The following FNBP4 variants were observed in gnomAD, a reference collection of about 807,000 sequenced individuals.
FNBP4 encodes formin binding protein 4.
FNBP4 carries 34 observed loss-of-function variants against 119.3 expected under a neutral mutation model. The ratio of observed to expected loss-of-function variants is 0.28; its 90% CI spans 0.22 to 0.38. FNBP4 has a LOEUF of 0.38. Ranked by LOEUF, FNBP4 falls within the 10% of genes least tolerant of loss-of-function variation. The probability of loss-of-function intolerance (pLI) is 1.00; values close to 1 mark genes in which losing one functional copy is unlikely to be tolerated. For synonymous variants in FNBP4, 462 were observed against 430.6 expected, an observed-to-expected ratio of 1.07 and a Z score of -0.90; for missense variants, 1,112 against 1,228.9, an observed-to-expected ratio of 0.90 and a Z score of 1.42.
rs1599212156 is a variant in FNBP4 at position 47,743,194 on chromosome 11, G to C, written c.1456+759C>G. ...ATCTTACTGCTGACTTTCCACTACA[G>C]AATTAGGGCCACAGCTGAAAGCGGT... On this transcript the variant is annotated intron_variant, in intron 8 of 16. Transcript: ENST00000263773. Among the ~76,000 whole-genome samples, 3 of 151,940 alleles carry C rather than the reference G, an allele frequency of 2.0e-5. No individual in the cohort carries two copies. In the East Asian group the frequency reaches 5.8e-4, roughly 29 times the overall value.
At chr11:47,756,096 A>C (rs1436380362) in intron 2 of FNBP4, among the ~76,000 whole-genome samples, 1 of 152,176 alleles carries the variant, frequency 6.6e-6, no homozygotes, top group Non-Finnish European at 1.5e-5. Flanking sequence ...ACAGGAATTA[A>C]AAATGGGGCT....
Position 47,734,015 on chromosome 11 carries a change from A to T in FNBP4, c.1686+10T>A. The T allele has an allele frequency of 6.9e-7, 1 of 1,441,584 alleles. No individual in the cohort carries two copies. The highest frequency in any genetic ancestry group is 1.4e-5 in the South Asian group (1 of 73,590). 89.3% of individuals were successfully genotyped at this position (1,441,584 alleles called of 1,614,324 possible). On this transcript the variant is annotated intron_variant, in intron 10 of 16. Coordinates refer to ENST00000263773, the MANE Select transcript of FNBP4 (RefSeq NM_015308.5). ...CTGTTTATGCCAAAAAAAAAAAAAA[A>T]AAGACTTACCTCAGTCTGTAAGAGC... is the stretch of plus-strand genomic sequence containing the variant.
At chr11:47,753,449 A>G (rs1487587620) in intron 3 of FNBP4, among the ~76,000 whole-genome samples, 2 of 152,116 alleles carry the variant, frequency 1.3e-5, no homozygotes, top group Non-Finnish European at 2.9e-5. Flanking sequence ...TGTCTCTACT[A>G]AAAATACAAA....
Position 47,722,349 on chromosome 11 carries a change from A to G in FNBP4, c.2805+627T>C, listed in dbSNP as rs147522156. ...CTGCAACCTCAGCCTCCCAGGTTCAAGCGACTCTCCCGCCTCAGCCTCTTT... is the reference window on the plus strand; with the variant it reads ...CTGCAACCTCAGCCTCCCAGGTTCAGGCGACTCTCCCGCCTCAGCCTCTTT... On this transcript the variant is annotated intron_variant, in intron 15 of 16. Coordinates refer to ENST00000263773, the MANE Select transcript of FNBP4 (RefSeq NM_015308.5). 7.2e-3 allele frequency among the ~76,000 whole-genome samples: 1,085 copies of G among 151,664 alleles called. 12 individuals are homozygous for G. The highest frequency in any genetic ancestry group is 0.025 in the African/African-American group (1,043 of 41,284).
intron 12 of FNBP4, chr11:47,726,910 G>A (rs975983862): frequency 5.3e-5 from 8 of 152,198 alleles, no homozygotes; most frequent in African/African-American, 1.4e-4. Flanking sequence ...CTAGTCAAGT[G>A]AAGCAGCAGG....
chr11:47,744,557 C>T (rs904784804), intron 7 of FNBP4, among the ~76,000 whole-genome samples: 2 of 152,100 alleles, frequency 1.3e-5, no homozygotes, highest in East Asian at 1.9e-4. Flanking sequence ...CCACTGCACT[C>T]GGCCTACTCA....
In FNBP4 at chr11:47,717,406, T is replaced by C. The variant is rs770968273; in HGVS notation, c.*16A>G. 6.9e-6 allele frequency: 11 copies of C among 1,587,386 alleles called. No individual in the cohort carries two copies. The highest frequency in any genetic ancestry group is 9.5e-6 in the Non-Finnish European group (11 of 1,162,138). Reference sequence around the variant, plus strand: ...AAAACAAACAATAATACAAAAAAGTTTTAAAAACTTAAAAACTATGTGTTT... The same window carrying C: ...AAAACAAACAATAATACAAAAAAGTCTTAAAAACTTAAAAACTATGTGTTT... On this transcript the variant is annotated 3_prime_UTR_variant, in exon 17 of 17. Transcript: ENST00000263773.
intron 3 of FNBP4, 112 bp downstream of exon 3, chr11:47,754,416 G>A: frequency 1.0e-5 from 10 of 1,003,906 alleles, no homozygotes; most frequent in Non-Finnish European, 1.5e-5. Flanking sequence ...GTGTTGGAGG[G>A]AGAGGGAGAA....
chr11:47,753,277 C>T (rs1275164939), intron 3 of FNBP4, among the ~76,000 whole-genome samples, 175 bp from the exon 4 acceptor site: 1 of 152,084 alleles, frequency 6.6e-6, no homozygotes, highest in Non-Finnish European at 1.5e-5. Flanking sequence ...GAATTCGAGA[C>T]CAGGCTGGCC....
chr11:47,765,263 A>T lies in FNBP4; in HGVS notation c.313+7T>A. On this transcript the variant is annotated splice_region_variant and intron_variant, in intron 2 of 16. Coordinates refer to ENST00000263773, the MANE Select transcript of FNBP4 (RefSeq NM_015308.5). ...GAAAAAATGTAAAAAACAAAACAAAAGCATACCTGTTGCTTTAACAGCTGT... is the reference window on the plus strand; with the variant it reads ...GAAAAAATGTAAAAAACAAAACAAATGCATACCTGTTGCTTTAACAGCTGT... 1 of 1,589,272 alleles carries T rather than the reference A, an allele frequency of 6.3e-7. No homozygotes were observed. Among genetic ancestry groups the T allele is most frequent in the Non-Finnish European group, 8.6e-7 (1 of 1,167,240 alleles).
chr11:47,725,968 A>G (rs2097560505), intron 12 of FNBP4: 1 of 161,818 alleles, frequency 6.2e-6, no homozygotes, highest in Non-Finnish European at 1.3e-5. Flanking sequence ...GCCAGACCAG[A>G]GCTAGAACTC....
intron 2 of FNBP4, among the ~76,000 whole-genome samples, chr11:47,763,264 G>C (rs941760512): frequency 6.6e-6 from 1 of 151,960 alleles, no homozygotes; most frequent in Non-Finnish European, 1.5e-5. Flanking sequence ...AGGAGTTCAA[G>C]ACCAGTCTGG....
Position 47,767,207 on chromosome 11 carries a change from C to A in FNBP4, c.82G>T (p.Gly28Cys), listed in dbSNP as rs751919594. ...SPPGPRGSTPGRDPEPEPDTE... is the reference protein window; with the variant it reads ...SPPGPRGSTPCRDPEPEPDTE... ...TCGGGTTCCGGCTCCGGGTCCCGGC[C>A]CGGCGTGCTGCCCCGAGGACCCGGC... The change falls in exon 1 of 17, where the codon GGC becomes TGC. Residue 28 changes from glycine (G) to cysteine (C), a missense_variant. Gly to Cys is a radical substitution (Grantham distance 159, BLOSUM62 -3). Around this residue, in one of 2 missense-constraint regions of FNBP4, gnomAD observed 286 missense variants for 240.1 expected, o/e 1.19. Coordinates refer to ENST00000263773, the MANE Select transcript of FNBP4 (RefSeq NM_015308.5). 5.1e-6 allele frequency: 8 copies of A among 1,565,482 alleles called. No homozygotes were observed. The highest frequency in any genetic ancestry group is 6.9e-6 in the Non-Finnish European group (8 of 1,162,106).
chr11:47,717,168 C>T lies in FNBP4; in HGVS notation c.*254G>A, dbSNP rs900572755. 4.7e-6 allele frequency: 2 copies of T among 425,334 alleles called. No individual in the cohort carries two copies. The highest frequency in any genetic ancestry group is 4.0e-5 in the African/African-American group (2 of 49,932). 26.3% of individuals were successfully genotyped at this position (425,334 alleles called of 1,614,324 possible). A position where few individuals can be genotyped will look rare whatever the true frequency, so the allele number is the denominator to read the frequency against. The stretch of plus-strand genomic sequence containing the variant: ...CTTCAAGACTGATGAGGTTAATACA[C>T]CTAACATGCTAAGTTTGCCAGTTTG... On this transcript the variant is annotated 3_prime_UTR_variant, in exon 17 of 17. Coordinates refer to ENST00000263773, the MANE Select transcript of FNBP4 (RefSeq NM_015308.5).
At chr11:47,743,638 A>G (rs2097585388) in intron 8 of FNBP4, among the ~76,000 whole-genome samples, 1 of 152,194 alleles carries the variant, frequency 6.6e-6, no homozygotes. Context: ...AATGAAGACA[A>G]CTTGGGTCCT....
intron 9 of FNBP4, among the ~76,000 whole-genome samples, chr11:47,734,988 C>CA (rs75294708): frequency 0.22 from 25,996 of 119,566 alleles, 3,390 homozygotes; most frequent in Non-Finnish European, 0.28. Flanking sequence ...ACCCCCCCCC[C>CA]CAAAAAAAAA....
At chr11:47,762,672 G>C (rs2135286175) in intron 2 of FNBP4, among the ~76,000 whole-genome samples, 1 of 152,086 alleles carries the variant, frequency 6.6e-6, no homozygotes, top group Middle Eastern at 3.4e-3. Flanking sequence ...CAGCACTTTG[G>C]GAGGCTGAGG....
chr11:47,739,256 TTATAA>T (rs945949930), intron 8 of FNBP4, among the ~76,000 whole-genome samples: 1 of 152,222 alleles, frequency 6.6e-6, no homozygotes, highest in African/African-American at 2.4e-5. Flanking sequence ...GTCCTTAACC[TTATAA>T]TATAATAGCC....
At chr11:47,762,906 CAAAA>C (rs56659957) in intron 2 of FNBP4, among the ~76,000 whole-genome samples, 60 of 100,658 alleles carry the variant, frequency 6.0e-4, no homozygotes, top group Middle Eastern at 7.6e-3. Context: ...ACTCTGATTC[CAAAA>C]AAAAAAAAAA....
Sources: allele counts gnomAD v4.1 joint callset (sites outside exome capture counted in the v4.1 genomes callset), GRCh38; gene constraint gnomAD v4.1.1; regional missense constraint gnomAD v4.1.1; transcripts MANE v1.5; gene names NCBI Gene and HGNC (gene_info 2026-07-23, HGNC 2026-07-21).